The following SESTD1 variants were observed in gnomAD, a reference collection of about 807,000 sequenced individuals.
The protein encoded by SESTD1 is SEC14 domain and spectrin repeat-containing protein 1.
Under a neutral mutation model 101.7 loss-of-function variants are expected in SESTD1, and 43 were observed. The observed-to-expected ratio is 0.42, with a 90% CI of 0.33 to 0.55. SESTD1 has a LOEUF of 0.55. Among genes scored for constraint, SESTD1 ranks in the 20% least tolerant of loss-of-function variants. The pLI, the probability that SESTD1 is intolerant of heterozygous loss-of-function variation, is 0.07. For synonymous variants in SESTD1, 283 were observed against 286.8 expected, an observed-to-expected ratio of 0.99 and a Z score of 0.13; for missense variants, 647 against 815.1, an observed-to-expected ratio of 0.79 and a Z score of 2.51.
chr2:179,181,140 G>A (rs2046100510), intron 3 of SESTD1, among the ~76,000 whole-genome samples: 1 of 152,098 alleles, frequency 6.6e-6, no homozygotes, highest in Non-Finnish European at 1.5e-5. Flanking sequence ...ATGAGAAAGA[G>A]AAAGAAAAAA....
rs866323070 is a variant in SESTD1 at position 179,157,769 on chromosome 2, C to T, written c.370-6378G>A. 3.9e-5 allele frequency among the ~76,000 whole-genome samples: 6 copies of T among 151,966 alleles called. No homozygotes were observed. In the South Asian group the frequency reaches 8.3e-4, roughly 21 times the overall value. ...GGAGCTAAATTTATTTATTAGAAGACGTGTATTTTAGTGTTGGGAATATGA... is the reference window on the plus strand; with the variant it reads ...GGAGCTAAATTTATTTATTAGAAGATGTGTATTTTAGTGTTGGGAATATGA... On this transcript the variant is annotated intron_variant, in intron 5 of 17. Coordinates refer to ENST00000428443, the MANE Select transcript of SESTD1 (RefSeq NM_178123.5).
In SESTD1 at chr2:179,205,458, T is replaced by C. The variant is rs2046577839; in HGVS notation, c.-25-13592A>G. The stretch of plus-strand genomic sequence containing the variant: ...TAAAACTTAATTTTTCACAACTGCA[T>C]TCTCCACATCTCTAAAAGGGAAAAG... On this transcript the variant is annotated intron_variant, in intron 1 of 17. Coordinates refer to ENST00000428443, the MANE Select transcript of SESTD1 (RefSeq NM_178123.5). 2.2e-5 allele frequency among the ~76,000 whole-genome samples: 3 copies of C among 134,624 alleles called. 1 individual carries two copies. Among genetic ancestry groups the C allele is most frequent in the Admixed American group, 2.2e-4 (3 of 13,826 alleles). 88.3% of individuals were successfully genotyped at this position (134,624 alleles called of 152,430 possible). A position where few individuals can be genotyped will look rare whatever the true frequency, so the allele number is the denominator to read the frequency against.
intron 1 of SESTD1, among the ~76,000 whole-genome samples, chr2:179,245,314 G>A (rs557504133): frequency 2.3e-4 from 35 of 152,052 alleles, no homozygotes; most frequent in Admixed American, 1.8e-3. Context: ...TAGGAGTTCC[G>A]AGACCAGCCT....
chr2:179,134,237 T>G (rs527977023), intron 9 of SESTD1, among the ~76,000 whole-genome samples: 3 of 152,204 alleles, frequency 2.0e-5, no homozygotes, highest in African/African-American at 7.2e-5. Context: ...CAGATTTCAG[T>G]GTTATAGCCA....
At chr2:179,180,960 T>C (rs922882198) in intron 3 of SESTD1, among the ~76,000 whole-genome samples, 1 of 152,166 alleles carries the variant, frequency 6.6e-6, no homozygotes, top group African/African-American at 2.4e-5. Flanking sequence ...GGCCAAACTT[T>C]AGCAAAACAA....
chr2:179,228,692 T>A (rs533284582), intron 1 of SESTD1, among the ~76,000 whole-genome samples: 2 of 152,330 alleles, frequency 1.3e-5, no homozygotes, highest in South Asian at 4.1e-4. Context: ...AGTGGCCATG[T>A]AAATACAAAT....
At chr2:179,189,632 T>C (rs2046290367) in intron 2 of SESTD1, among the ~76,000 whole-genome samples, 1 of 152,140 alleles carries the variant, frequency 6.6e-6, no homozygotes, top group Admixed American at 6.6e-5. Flanking sequence ...AGTCAAATTA[T>C]TGCTCTTCGT....
At chr2:179,231,285 T>C (rs578182741) in intron 1 of SESTD1, among the ~76,000 whole-genome samples, 4 of 151,960 alleles carry the variant, frequency 2.6e-5, no homozygotes, top group Admixed American at 1.3e-4. Context: ...CAGTTAAGGA[T>C]TGAGGATGAA....
At chr2:179,160,972 C>T (rs183302942) in intron 5 of SESTD1, among the ~76,000 whole-genome samples, 1 of 151,920 alleles carries the variant, frequency 6.6e-6, no homozygotes, top group Non-Finnish European at 1.5e-5. Context: ...CTCTCTGGCA[C>T]CCAGGCTGAA....
At chr2:179,247,977 T>C (rs2047258274) in intron 1 of SESTD1, among the ~76,000 whole-genome samples, 1 of 151,708 alleles carries the variant, frequency 6.6e-6, no homozygotes, top group Admixed American at 6.6e-5. Context: ...AATGCATACA[T>C]TAGAAAAGAG....
chr2:179,239,803 C>T (rs1213641514), intron 1 of SESTD1, among the ~76,000 whole-genome samples: 1 of 152,156 alleles, frequency 6.6e-6, no homozygotes, highest in Non-Finnish European at 1.5e-5. Context: ...ATCTACTATT[C>T]CAATGTTTAA....
intron 1 of SESTD1, among the ~76,000 whole-genome samples, chr2:179,250,965 A>G (rs546054378): frequency 6.6e-6 from 1 of 152,216 alleles, no homozygotes; most frequent in Admixed American, 6.5e-5. Flanking sequence ...TCACACAAAA[A>G]CCTATACATG....
chr2:179,146,729 T>C (rs1038159114), intron 7 of SESTD1, among the ~76,000 whole-genome samples: 1 of 152,218 alleles, frequency 6.6e-6, no homozygotes, highest in Admixed American at 6.5e-5. Flanking sequence ...ATTTCAAATA[T>C]ATCAAAGAAG....
Position 179,137,182 on chromosome 2 carries a change from T to C in SESTD1, c.850-4756A>G, listed in dbSNP as rs2045165268. 3.3e-5 allele frequency among the ~76,000 whole-genome samples: 5 copies of C among 152,210 alleles called. No individual in the cohort carries two copies. In the East Asian group the frequency reaches 9.6e-4, roughly 29 times the overall value. Reference sequence around the variant, plus strand: ...CAATGTGACCCTTCAAATGGTTACATTTACATGCAAAGTATAACCTTGGAG... The same window carrying C: ...CAATGTGACCCTTCAAATGGTTACACTTACATGCAAAGTATAACCTTGGAG... On this transcript the variant is annotated intron_variant, in intron 9 of 17. Coordinates refer to ENST00000428443, the MANE Select transcript of SESTD1 (RefSeq NM_178123.5).
rs148578586 is a variant in SESTD1 at position 179,115,392 on chromosome 2, A to AT, written c.1648-137dup. 2,331 of 614,858 alleles carry AT rather than the reference A, an allele frequency of 3.8e-3. 45 individuals carry two copies. In the African/African-American group the frequency reaches 0.04, roughly 10 times the overall value. The allele number at this position is 614,858 out of a possible 1,614,324, so 38.1% of individuals were successfully genotyped here. A position where few individuals can be genotyped will look rare whatever the true frequency, so the allele number is the denominator to read the frequency against. On this transcript the variant is annotated intron_variant, in intron 15 of 17. Coordinates refer to ENST00000428443, the MANE Select transcript of SESTD1 (RefSeq NM_178123.5). ...ATACTGAATAAATCTAGTGGCACTT[A>AT]TTACTACAAATCATCTGTGTGTATA...
chr2:179,132,594 T>G (rs1157442617), intron 9 of SESTD1, among the ~76,000 whole-genome samples, 168 bp from the exon 10 acceptor site: 1 of 152,270 alleles, frequency 6.6e-6, no homozygotes, highest in Non-Finnish European at 1.5e-5. Context: ...ACAGCTATAA[T>G]GTGACAACAT....
chr2:179,221,849 G>A lies in SESTD1; in HGVS notation c.-25-29983C>T, dbSNP rs144148471. Among the ~76,000 whole-genome samples the A allele has an allele frequency of 1.3e-3, 198 of 151,976 alleles. 4 individuals carry two copies. Among genetic ancestry groups the A allele is most frequent in the Admixed American group, 0.012 (189 of 15,268 alleles). Reference sequence around the variant, plus strand: ...GTGAGAGGATCCCTTGAGCCCAGGAGGTCAAGGCTGCAGTGAGCCATGATT... The same window carrying A: ...GTGAGAGGATCCCTTGAGCCCAGGAAGTCAAGGCTGCAGTGAGCCATGATT... On this transcript the variant is annotated intron_variant, in intron 1 of 17. Transcript: ENST00000428443.
At chr2:179,258,317 T>C (rs904130923) in intron 1 of SESTD1, among the ~76,000 whole-genome samples, 2 of 152,168 alleles carry the variant, frequency 1.3e-5, no homozygotes, top group African/African-American at 4.8e-5. Flanking sequence ...TTCTAAACTA[T>C]TACTGAATCA....
chr2:179,151,908 A>G (rs1359385921), intron 5 of SESTD1, among the ~76,000 whole-genome samples: 2 of 152,164 alleles, frequency 1.3e-5, no homozygotes, highest in Non-Finnish European at 2.9e-5. Context: ...TTTTAGTAAA[A>G]ATTAGAAGAT....
Sources: allele counts gnomAD v4.1 joint callset (sites outside exome capture counted in the v4.1 genomes callset), GRCh38; gene constraint gnomAD v4.1.1; transcripts MANE v1.5; gene names NCBI Gene and HGNC (gene_info 2026-07-23, HGNC 2026-07-21).